SH3GL3: variants seen among roughly 807,000 people sequenced by gnomAD.
SH3GL3 encodes SH3 domain containing GRB2 like 3, endophilin A3.
Under a neutral mutation model 47.7 loss-of-function variants are expected in SH3GL3, and 33 were observed. The ratio of observed to expected loss-of-function variants is 0.69; its 90% confidence interval spans 0.52 to 0.92. SH3GL3 has a LOEUF of 0.92. Among genes scored for constraint, SH3GL3 ranks in the 40% least tolerant of loss-of-function variants. The pLI is 0.00. For missense variants in SH3GL3, 363 were observed against 417.8 expected (o/e 0.87, Z 1.14); for synonymous variants, 155 against 148.8 (o/e 1.04, Z -0.30).
chr15:83,480,183 G>T (rs2041284291), intron 1 of SH3GL3, among the ~76,000 whole-genome samples: 1 of 151,934 alleles, frequency 6.6e-6, no homozygotes, highest in South Asian at 2.1e-4. Context: ...CTGTTTTAGG[G>T]TTAAAAAAAT....
At chr15:83,478,511 C>T (rs2041199462) in intron 1 of SH3GL3, among the ~76,000 whole-genome samples, 2 of 152,176 alleles carry the variant, frequency 1.3e-5, no homozygotes, top group Admixed American at 1.3e-4. Context: ...AATTATTTGG[C>T]TCAATTCTAA....
chr15:83,629,770 T>A, the SH3GL3 span, among the ~76,000 whole-genome samples: 1 of 152,202 alleles, frequency 6.6e-6, no homozygotes, highest in Non-Finnish European at 1.5e-5. Flanking sequence ...CAGTGAGCTA[T>A]AATCACAACA....
intron 1 of SH3GL3, among the ~76,000 whole-genome samples, chr15:83,541,915 G>A (rs919835540): frequency 2.6e-5 from 4 of 152,164 alleles, no homozygotes; most frequent in African/African-American, 7.2e-5. Flanking sequence ...TCTGTGGGTT[G>A]TCTTTTGACT....
chr15:83,631,701 C>A, the SH3GL3 span, among the ~76,000 whole-genome samples: 393 of 152,284 alleles, frequency 2.6e-3, 2 homozygotes, highest in Non-Finnish European at 3.2e-3. Flanking sequence ...TGCATAGAGC[C>A]GGTTGGGGGC....
chr15:83,547,285 G>A (rs1217945763), intron 1 of SH3GL3, among the ~76,000 whole-genome samples: 4 of 151,986 alleles, frequency 2.6e-5, no homozygotes, highest in Admixed American at 6.6e-5. Context: ...CTCCCTCCAC[G>A]GGCACTGGCC....
the SH3GL3 span, among the ~76,000 whole-genome samples, chr15:83,624,382 G>A: frequency 1.1e-3 from 167 of 152,312 alleles, 1 homozygote; most frequent in Admixed American, 2.9e-3. Flanking sequence ...CAGCTCAAGG[G>A]GCTGATAGGG....
rs149977317 is a variant in SH3GL3 at position 83,509,294 on chromosome 15, C to T, written c.46-49959C>T. Among the ~76,000 whole-genome samples, 376 of 152,298 alleles carry T rather than the reference C, an allele frequency of 2.5e-3. 2 individuals are homozygous for T. The highest frequency in any genetic ancestry group is 4.4e-3 in the Non-Finnish European group (300 of 68,016). On this transcript the variant is annotated intron_variant, in intron 1 of 8. Transcript: ENST00000427482. ...GAGTGAGGGCAGAATCTGGGGAGCGCGTTCTTGGATGTCCCACCAACTTTG... is the reference window on the plus strand; with the variant it reads ...GAGTGAGGGCAGAATCTGGGGAGCGTGTTCTTGGATGTCCCACCAACTTTG...
intron 1 of SH3GL3, among the ~76,000 whole-genome samples, chr15:83,509,258 C>T (rs1376222050): frequency 2.0e-5 from 3 of 152,342 alleles, no homozygotes; most frequent in African/African-American, 7.2e-5. Flanking sequence ...CATGCCCTGC[C>T]TCATCTCACG....
intron 1 of SH3GL3, among the ~76,000 whole-genome samples, chr15:83,466,504 T>G (rs899596093): frequency 1.3e-5 from 2 of 152,056 alleles, no homozygotes; most frequent in African/African-American, 4.8e-5. Context: ...CAACTGGAGA[T>G]ATATGTATAT....
At chr15:83,475,964 G>A (rs1297959602) in intron 1 of SH3GL3, among the ~76,000 whole-genome samples, 1 of 152,140 alleles carries the variant, frequency 6.6e-6, no homozygotes, top group Admixed American at 6.5e-5. Flanking sequence ...TTTGCAGTTA[G>A]TTAATCAACC....
At chr15:83,514,775 C>T (rs1297732424) in intron 1 of SH3GL3, among the ~76,000 whole-genome samples, 3 of 152,108 alleles carry the variant, frequency 2.0e-5, no homozygotes, top group African/African-American at 7.2e-5. Flanking sequence ...GACATTTAAG[C>T]AAAGGAGAAG....
At chr15:83,588,630 A>G in intron 7 of SH3GL3, 32 bp from the exon 8 acceptor site, 1 of 1,301,452 alleles carries the variant, frequency 7.7e-7, no homozygotes, top group Non-Finnish European at 1.1e-6. Flanking sequence ...TCAACATCAG[A>G]TGTCTGGCTC....
chr15:83,500,851 G>A (rs1258374343), intron 1 of SH3GL3, among the ~76,000 whole-genome samples: 3 of 152,154 alleles, frequency 2.0e-5, no homozygotes, highest in East Asian at 3.9e-4. Flanking sequence ...TCTTGGCCTT[G>A]CTCTCTTTCC....
chr15:83,588,192 G>A (rs977867192), intron 7 of SH3GL3, among the ~76,000 whole-genome samples: 18 of 152,122 alleles, frequency 1.2e-4, no homozygotes, highest in South Asian at 4.1e-4. Context: ...TTGGCTCACC[G>A]TAACCTCTGC....
chr15:83,508,559 T>C (rs768444060), intron 1 of SH3GL3, among the ~76,000 whole-genome samples: 7 of 151,940 alleles, frequency 4.6e-5, no homozygotes, highest in Non-Finnish European at 1.0e-4. Flanking sequence ...TTCTGGAATA[T>C]TGTAGGGACA....
chr15:83,608,257 T>C (rs1596345182), intron 8 of SH3GL3, among the ~76,000 whole-genome samples: 1 of 152,230 alleles, frequency 6.6e-6, no homozygotes, highest in East Asian at 1.9e-4. Context: ...TGACTTTTAC[T>C]AGATTTTACT....
chr15:83,624,355 T>C, the SH3GL3 span, among the ~76,000 whole-genome samples: 5 of 152,154 alleles, frequency 3.3e-5, no homozygotes, highest in Non-Finnish European at 7.4e-5. Flanking sequence ...ATCTGACCAA[T>C]GAGCAACACC....
At chr15:83,559,195 T>TA (rs375915736) in intron 1 of SH3GL3, 58 bp from the exon 2 acceptor site, 5 of 1,003,834 alleles carry the variant, frequency 5.0e-6, no homozygotes, top group Middle Eastern at 2.2e-4. Flanking sequence ...ATAATTTAGG[T>TA]AAAAAACTGT....
rs570727668 is a variant in SH3GL3 at position 83,514,547 on chromosome 15, G to T, written c.46-44706G>T. Among the ~76,000 whole-genome samples the T allele has an allele frequency of 7.2e-4, 109 of 152,284 alleles. 1 individual carries two copies. Among genetic ancestry groups the T allele is most frequent in the African/African-American group, 2.5e-3 (106 of 41,576 alleles). The stretch of plus-strand genomic sequence containing the variant: ...TTGGGGAATTCTTTGTCATATGCTT[G>T]CAACTTCTCTGTAAACCAGACATTA... On this transcript the variant is annotated intron_variant, in intron 1 of 8. Coordinates refer to ENST00000427482, the MANE Select transcript of SH3GL3 (RefSeq NM_003027.5).
Sources: gnomAD v4.1 joint callset for allele counts (sites outside exome capture counted in the v4.1 genomes callset) on GRCh38, gnomAD v4.1.1 for gene constraint, MANE v1.5 for transcripts, NCBI Gene and HGNC (gene_info 2026-07-23, HGNC 2026-07-21) for gene names.